Variants in CALD1 observed in about 807,000 individuals in gnomAD.
CALD1 encodes caldesmon.
In CALD1, 33 loss-of-function variants were observed where a neutral mutation model predicts 99.9. The ratio of observed to expected loss-of-function variants is 0.33; its 90% confidence interval spans 0.25 to 0.44. The LOEUF (loss-of-function observed/expected upper bound fraction) is 0.44, where lower values mean the gene tolerates loss of function less well. Ranked by LOEUF, CALD1 falls within the 20% of genes least tolerant of loss-of-function variation. CALD1 has a pLI of 1.00. For synonymous variants in CALD1, 310 were observed against 325.0 expected, an observed-to-expected ratio of 0.95 and a Z score of 0.50; for missense variants, 861 against 962.1, an observed-to-expected ratio of 0.89 and a Z score of 1.39.
At chr7:134,947,480 A>ACCCCTTT (rs1563123028) in intron 7 of CALD1, 28 bp from the exon 8 acceptor site, 1 of 1,558,184 alleles carries the variant, frequency 6.4e-7, no homozygotes. Context: ...AAGCATGTAA[A>ACCCCTTT]CCCCTTTCCA....
rs1488854871 is a variant in CALD1 at position 134,929,646 on chromosome 7, G to GTGTGTGTA, written c.218+747_218+748insGTGTGTAT. Among the ~76,000 whole-genome samples the GTGTGTGTA allele has an allele frequency of 7.0e-3, 55 of 7,872 alleles. 1 individual carries two copies. The highest frequency in any genetic ancestry group is 0.011 in the Non-Finnish European group (35 of 3,220). 5.2% of individuals were successfully genotyped at this position (7,872 alleles called of 152,430 possible). On this transcript the variant is annotated intron_variant, in intron 4 of 14. Coordinates refer to ENST00000361675, the MANE Select transcript of CALD1 (RefSeq NM_033138.4). The stretch of plus-strand genomic sequence containing the variant: ...CGTGTGTGTGTGTGTGTGTGTGTGT[G>GTGTGTGTA]TATATATATATATATATATATATAC...
At chr7:134,874,563 C>A (rs1052308369) in intron 3 of CALD1, among the ~76,000 whole-genome samples, 19 of 152,218 alleles carry the variant, frequency 1.2e-4, no homozygotes, top group Admixed American at 3.3e-4. Context: ...GGTTCCCCAA[C>A]AAATGGCTCT....
At chr7:134,757,403 TC>T (rs1330650243) in intron 1 of CALD1, among the ~76,000 whole-genome samples, 1 of 152,168 alleles carries the variant, frequency 6.6e-6, no homozygotes, top group African/African-American at 2.4e-5. Context: ...GATCCTACTA[TC>T]TATCCTGTAT....
intron 1 of CALD1, among the ~76,000 whole-genome samples, chr7:134,811,328 G>T: frequency 6.6e-6 from 1 of 152,144 alleles, no homozygotes; most frequent in East Asian, 1.9e-4. Flanking sequence ...CTGGGGGCAG[G>T]GGTCTGGAGT....
chr7:134,857,202 T>TC (rs1240274847), intron 2 of CALD1, among the ~76,000 whole-genome samples: 2 of 127,954 alleles, frequency 1.6e-5, no homozygotes, highest in Non-Finnish European at 1.6e-5. Context: ...AGAGTCTCGC[T>TC]CTGTCACCCA....
At chr7:134,810,388 C>T (rs1466851043) in intron 1 of CALD1, among the ~76,000 whole-genome samples, 1 of 152,142 alleles carries the variant, frequency 6.6e-6, no homozygotes, top group Non-Finnish European at 1.5e-5. Flanking sequence ...GATCTATTTG[C>T]CCTTTATTTA....
At chr7:134,735,140 T>G in the CALD1 span, 1 of 155,486 alleles carries the variant, frequency 6.4e-6, no homozygotes, top group Non-Finnish European at 1.4e-5. Flanking sequence ...AAATACACTT[T>G]GTGCCATCCA....
At chr7:134,734,943 C>T in the CALD1 span, 1 of 184,314 alleles carries the variant, frequency 5.4e-6, no homozygotes, top group Non-Finnish European at 1.1e-5. Context: ...CTCCCTTCCC[C>T]TCAGCCGTGG....
At position 134,928,871 on chromosome 7, in the gene CALD1, C is replaced by T; in HGVS notation, c.189C>T (p.Thr63=). 1.2e-6 allele frequency: 2 copies of T among 1,613,648 alleles called. No individual in the cohort carries two copies. The highest frequency in any genetic ancestry group is 1.7e-6 in the Non-Finnish European group (2 of 1,179,822). The change falls in exon 4 of 15, where the codon ACC becomes ACT. Residue 63 remains threonine (T), a synonymous_variant. Coordinates refer to ENST00000361675, the MANE Select transcript of CALD1 (RefSeq NM_033138.4). The stretch of plus-strand genomic sequence containing the variant: ...AGGAAGAATCCTTGGGACAGGTGAC[C>T]GACCAGGTGGAGGTGAATGCCCAGA... ...KQEEESLGQV[T]DQVEVNAQNS...
chr7:134,781,148 G>T (rs991303970), intron 1 of CALD1, among the ~76,000 whole-genome samples: 3 of 152,196 alleles, frequency 2.0e-5, no homozygotes, highest in African/African-American at 7.2e-5. Context: ...GCAGGCAAAA[G>T]CTATAGTTTA....
At chr7:134,862,643 G>A (rs1382404869) in intron 2 of CALD1, among the ~76,000 whole-genome samples, 1 of 152,130 alleles carries the variant, frequency 6.6e-6, no homozygotes, top group Non-Finnish European at 1.5e-5. Flanking sequence ...ATGCTACTAT[G>A]GTGAATACAT....
chr7:134,716,281 A>G, the CALD1 span, among the ~76,000 whole-genome samples: 1 of 152,202 alleles, frequency 6.6e-6, no homozygotes, highest in Non-Finnish European at 1.5e-5. Flanking sequence ...AAACAATGCA[A>G]CTGGCTACTA....
chr7:134,813,990 T>C (rs1258009421), intron 1 of CALD1, among the ~76,000 whole-genome samples: 1 of 152,034 alleles, frequency 6.6e-6, no homozygotes, highest in Non-Finnish European at 1.5e-5. Context: ...ATCACAGACA[T>C]GAATGTTGAA....
intron 3 of CALD1, among the ~76,000 whole-genome samples, chr7:134,925,868 C>A (rs1804975602): frequency 6.6e-6 from 1 of 152,202 alleles, no homozygotes; most frequent in Non-Finnish European, 1.5e-5. Context: ...GTCATGACCT[C>A]ATGGCTGATC....
chr7:134,713,482 C>T, the CALD1 span, among the ~76,000 whole-genome samples: 10 of 152,122 alleles, frequency 6.6e-5, no homozygotes, highest in African/African-American at 2.2e-4. Flanking sequence ...GGACATGCAG[C>T]GCCTTACACT....
chr7:134,786,552 C>T (rs1797312980), intron 1 of CALD1, among the ~76,000 whole-genome samples: 1 of 152,140 alleles, frequency 6.6e-6, no homozygotes, highest in South Asian at 2.1e-4. Context: ...TTAATGTCTG[C>T]CCTGTCTTAT....
chr7:134,713,482 C>A, the CALD1 span, among the ~76,000 whole-genome samples: 3 of 152,124 alleles, frequency 2.0e-5, no homozygotes, highest in African/African-American at 7.2e-5. Flanking sequence ...GGACATGCAG[C>A]GCCTTACACT....
At chr7:134,924,166 A>G (rs1804815246) in intron 3 of CALD1, among the ~76,000 whole-genome samples, 1 of 152,224 alleles carries the variant, frequency 6.6e-6, no homozygotes, top group Non-Finnish European at 1.5e-5. Context: ...ACATAACCCT[A>G]TTTTATTAAA....
the CALD1 span, among the ~76,000 whole-genome samples, chr7:134,723,326 C>T: frequency 1.3e-5 from 2 of 152,122 alleles, no homozygotes; most frequent in Non-Finnish European, 2.9e-5. Context: ...TTCTGTCTAT[C>T]TTCTGGGTAG....
Sources: allele counts gnomAD v4.1 joint callset (sites outside exome capture counted in the v4.1 genomes callset), GRCh38; gene constraint gnomAD v4.1.1; transcripts MANE v1.5; gene names NCBI Gene and HGNC (gene_info 2026-07-23, HGNC 2026-07-21).